RNH1: variants seen among roughly 807,000 people sequenced by gnomAD.
RNH1 encodes the protein ribonuclease/angiogenin inhibitor 1, also known as ribonuclease inhibitor.
A neutral mutation model predicts 46.1 loss-of-function variants in RNH1; 38 were observed. The observed-to-expected ratio is 0.82, with a 90% CI of 0.64 to 1.08. RNH1 has a LOEUF of 1.08. Ranked by LOEUF, RNH1 falls within the 50% of genes least tolerant of loss-of-function variation. RNH1 has a pLI of 0.00. For missense variants in RNH1, 577 were observed against 590.7 expected (o/e 0.98, Z 0.24); for synonymous variants, 319 against 279.1 (o/e 1.14, Z -1.43).
Position 502,540 on chromosome 11 carries a change from T to G in RNH1, c.-87-291A>C. The stretch of plus-strand genomic sequence containing the variant: ...AGCCCGGGAAGCCCCTGCCTCTCAT[T>G]TGCTTGGGCAAGGACAGGGTAGGGT... On this transcript the variant is annotated intron_variant, in intron 2 of 10. Transcript: ENST00000354420. This position sits in a 1 kb window ranked among gnomAD's most constrained non-coding sequence, Gnocchi z 5.8. The G allele has an allele frequency of 3.1e-6, 1 of 319,042 alleles. No homozygotes were observed. The allele number at this position is 319,042 out of a possible 1,614,324, so 19.8% of individuals were successfully genotyped here. A position where few individuals can be genotyped will look rare whatever the true frequency, so the allele number is the denominator to read the frequency against.
In RNH1 at chr11:502,091, G is replaced by A; in HGVS notation, c.72C>T (p.Leu24=). The change falls in exon 3 of 11, where the codon CTC becomes CTT. Residue 24 remains leucine, a synonymous_variant. Coordinates refer to ENST00000354420, the MANE Select transcript of RNH1 (RefSeq NM_203387.3). The surrounding 1 kb of genome is among the most constrained non-coding windows in gnomAD (Gnocchi z 5.8). ...CCACTTGGCACTGCTGGAGCAGAGG[G>A]AGGAGCTCGGCCCATCTAGCGTCGC... ...ELSDARWAEL[L]PLLQQCQVVR... The A allele has an allele frequency of 6.2e-7, 1 of 1,612,136 alleles. No homozygotes were observed. Among genetic ancestry groups the A allele is most frequent in the Admixed American group, 1.7e-5 (1 of 59,914 alleles).
At position 494,714 on chromosome 11, in the gene RNH1, G is replaced by C. The variant is rs1288663898; in HGVS notation, c.1363C>G (p.Pro455Ala). ...DRLQALEKDK[P>A]SLRVIS ...CCTCAGGAGATGACCCTCAGGGATGGCTTGTCCTTCTCCAGGGCCTGCAGC... is the reference window on the plus strand; with the variant it reads ...CCTCAGGAGATGACCCTCAGGGATGCCTTGTCCTTCTCCAGGGCCTGCAGC... Residue 455 changes from proline (P) to alanine (A), a missense_variant, in exon 11 of 11, where the codon CCA (proline) becomes GCA (alanine). Pro to Ala is a conservative substitution (Grantham distance 27). Coordinates refer to ENST00000354420, the MANE Select transcript of RNH1 (RefSeq NM_203387.3). The C allele has an allele frequency of 1.2e-6, 2 of 1,613,870 alleles. No individual in the cohort carries two copies.
chr11:500,673 G>A lies in RNH1; in HGVS notation c.102-19C>T, dbSNP rs760001631. ...GTCCAGCCTGTGAGCAGACCCCAGG[G>A]TCATGTGGACCACGCAGACAGCACT... On this transcript the variant is annotated intron_variant, in intron 3 of 10. Transcript: ENST00000354420. The A allele has an allele frequency of 1.0e-5, 16 of 1,601,486 alleles. No homozygotes were observed. Among genetic ancestry groups the A allele is most frequent in the Non-Finnish European group, 2.5e-6 (3 of 1,179,914 alleles).
At position 502,334 on chromosome 11, in the gene RNH1, C is replaced by T. The variant is rs981944771; in HGVS notation, c.-87-85G>A. 1.3e-5 allele frequency: 8 copies of T among 633,802 alleles called. No homozygotes were observed. Among genetic ancestry groups the T allele is most frequent in the African/African-American group, 9.0e-5 (5 of 55,358 alleles). The allele number at this position is 633,802 out of a possible 1,614,324, so 39.3% of individuals were successfully genotyped here. A position where few individuals can be genotyped will look rare whatever the true frequency, so the allele number is the denominator to read the frequency against. ...AACACTTCCTCTTCAGCACCCTCCCCACCTTTGTCTCTGGAGCAGACATCA... is the reference window on the plus strand; with the variant it reads ...AACACTTCCTCTTCAGCACCCTCCCTACCTTTGTCTCTGGAGCAGACATCA... On this transcript the variant is annotated intron_variant, in intron 2 of 10. Transcript: ENST00000354420. This position sits in a 1 kb window ranked among gnomAD's most constrained non-coding sequence, Gnocchi z 5.8.
In RNH1 at chr11:497,423, A is replaced by C. The variant is rs192607027; in HGVS notation, c.1127+548T>G. 7.1e-4 allele frequency among the ~76,000 whole-genome samples: 98 copies of C among 137,232 alleles called. 1 individual carries two copies. Among genetic ancestry groups the C allele is most frequent in the African/African-American group, 2.6e-3 (94 of 35,618 alleles). The allele number at this position is 137,232 out of a possible 152,430, so 90.0% of individuals were successfully genotyped here. A position where few individuals can be genotyped will look rare whatever the true frequency, so the allele number is the denominator to read the frequency against. On this transcript the variant is annotated intron_variant, in intron 9 of 10. Coordinates refer to ENST00000354420, the MANE Select transcript of RNH1 (RefSeq NM_203387.3). ...CTCTCACCCATGTGCTCACACACGG[A>C]CACTCATGCTCTCTCGCCCATGTGC... is the stretch of plus-strand genomic sequence containing the variant.
chr11:507,076 C>G (rs1038661523), intron 1 of RNH1, 37 bp downstream of exon 1: 4 of 152,356 alleles, frequency 2.6e-5, no homozygotes, highest in Admixed American at 2.6e-4. Flanking sequence ...GTGGGCGAGG[C>G]CTGGCTAGAC....
At chr11:498,212 C>G in intron 8 of RNH1, 71 bp from the exon 9 acceptor site, 1 of 1,509,908 alleles carries the variant, frequency 6.6e-7, no homozygotes, top group Non-Finnish European at 8.9e-7. Flanking sequence ...GGCCCTTCCC[C>G]TGAAGGCCCC....
chr11:499,145 G>A lies in RNH1; in HGVS notation c.484C>T (p.Leu162=), dbSNP rs1849472929. ...GGCTTGGCCCTGAGCACGGAGGCCA[G>A]GGGCTCGCAGCTGGCAGCCGAGAGG... ...CSLSAASCEP[L]ASVLRAKPDF... Residue 162 remains leucine, a synonymous_variant, in exon 6 of 11, where the codon CTG becomes TTG. Coordinates refer to ENST00000354420, the MANE Select transcript of RNH1 (RefSeq NM_203387.3). 1.2e-6 allele frequency: 2 copies of A among 1,613,080 alleles called. No individual in the cohort carries two copies. Among genetic ancestry groups the A allele is most frequent in the Non-Finnish European group, 1.7e-6 (2 of 1,179,956 alleles).
intron 2 of RNH1, among the ~76,000 whole-genome samples, chr11:503,825 T>TA (rs1849977889): frequency 6.6e-6 from 1 of 152,124 alleles, no homozygotes; most frequent in Admixed American, 6.5e-5. Context: ...GCCCCGTCCC[T>TA]ACCCCTCAGG....
At position 502,174 on chromosome 11, in the gene RNH1, A is replaced by G. The variant is rs981400722; in HGVS notation, c.-12T>C. 2 of 1,601,116 alleles carry G rather than the reference A, an allele frequency of 1.2e-6. No homozygotes were observed. The highest frequency in any genetic ancestry group is 2.2e-5 in the South Asian group (2 of 89,662). ...ATGTCCAGGCTCATGGTGGAGGTGAAGAGTGGCCTGGGTGGGAGGCAGAGG... is the reference window on the plus strand; with the variant it reads ...ATGTCCAGGCTCATGGTGGAGGTGAGGAGTGGCCTGGGTGGGAGGCAGAGG... On this transcript the variant is annotated 5_prime_UTR_variant, in exon 3 of 11. Coordinates refer to ENST00000354420, the MANE Select transcript of RNH1 (RefSeq NM_203387.3). This position sits in a 1 kb window ranked among gnomAD's most constrained non-coding sequence, Gnocchi z 5.8.
chr11:503,808 G>A (rs940792015), intron 2 of RNH1, among the ~76,000 whole-genome samples: 5 of 152,122 alleles, frequency 3.3e-5, no homozygotes, highest in Admixed American at 2.0e-4. Flanking sequence ...CTAGCGCTGC[G>A]GGAGTAGCCC....
intron 4 of RNH1, 137 bp downstream of exon 4, chr11:500,347 G>A: frequency 9.5e-7 from 1 of 1,057,064 alleles, no homozygotes; most frequent in Non-Finnish European, 1.4e-6. Flanking sequence ...GTGTGCCTCT[G>A]GCTGATGTTG....
chr11:499,568 G>T (rs973814646), intron 5 of RNH1: 2 of 705,302 alleles, frequency 2.8e-6, no homozygotes, highest in Non-Finnish European at 5.1e-6. Context: ...CCCACCGTCG[G>T]GTCCTGGGGC....
Position 494,932 on chromosome 11 carries a change from G to A in RNH1, c.1249C>T (p.Gln417Ter). 1 of 1,610,292 alleles carries A rather than the reference G, an allele frequency of 6.2e-7. No homozygotes were observed. The change falls in exon 10 of 11, where the codon CAG becomes TAG. Residue 417 changes from glutamine (Q) to a stop codon, truncating the protein, a stop_gained. Coordinates refer to ENST00000354420, the MANE Select transcript of RNH1 (RefSeq NM_203387.3). LOFTEE classifies it low-confidence loss of function (END_TRUNC). Reference protein sequence around the residue: ...NNCLGDAGILQLVESVRQPGC... With the variant: ...NNCLGDAGIL ...GGCTGCCGGACGCTCTCCACCAGCT[G>A]CAGGATGCCGGCGTCCCCCAGGCAG...
Position 498,511 on chromosome 11 carries a change from G to T in RNH1, c.902C>A (p.Ala301Asp), listed in dbSNP as rs751960894. The change falls in exon 8 of 11, where the codon GCC (alanine) becomes GAC (aspartate). Residue 301 changes from alanine (A) to aspartate (D), a missense_variant. Transcript: ENST00000354420. ...LAGNELGDEG[A>D]RLLCETLLEP... ...CAGCAGGGTCTCACACAGCAGTCGG[G>T]CACCCTCATCCCCCAGCTCGTTGCC... is the stretch of plus-strand genomic sequence containing the variant. 6.2e-7 allele frequency: 1 copy of T among 1,613,216 alleles called. No homozygotes were observed. Among genetic ancestry groups the T allele is most frequent in the Non-Finnish European group, 8.5e-7 (1 of 1,179,988 alleles).
At chr11:506,013 G>A (rs1850241083) in intron 1 of RNH1, 1 of 152,232 alleles carries the variant, frequency 6.6e-6, no homozygotes. Flanking sequence ...CCAAGTAGCT[G>A]GGATTATAGG....
rs753150831 is a variant in RNH1, at chr11:499,169, G to C, written c.460C>G (p.Leu154Val). The C allele has an allele frequency of 4.0e-5, 64 of 1,612,544 alleles. No homozygotes were observed. The highest frequency in any genetic ancestry group is 5.3e-5 in the Non-Finnish European group (63 of 1,179,964). The change falls in exon 6 of 11, where the codon CTC becomes GTC. Residue 154 changes from leucine to valine, a missense_variant. By Grantham distance (32) the Leu-to-Val change is conservative. Transcript: ENST00000354420. ...LEKLQLEYCS[L>V]SAASCEPLAS... ...AGGGGCTCGCAGCTGGCAGCCGAGAGGCTGCAATACTCCAGCCTGGGGGAC... is the reference window on the plus strand; with the variant it reads ...AGGGGCTCGCAGCTGGCAGCCGAGACGCTGCAATACTCCAGCCTGGGGGAC...
intron 8 of RNH1, 143 bp downstream of exon 8, chr11:498,314 C>T (rs1401248013): frequency 2.3e-6 from 3 of 1,280,378 alleles, no homozygotes; most frequent in Non-Finnish European, 3.2e-6. Flanking sequence ...CATCAAACCA[C>T]AGGCTGCTCC....
rs368765339 is a variant in RNH1, at chr11:498,531, G to T, written c.882C>A (p.Asn294Lys). Residue 294 changes from asparagine to lysine, a missense_variant, in exon 8 of 11, where the codon AAC becomes AAA. By Grantham distance (94) the Asn-to-Lys change is moderately conservative. Coordinates refer to ENST00000354420, the MANE Select transcript of RNH1 (RefSeq NM_203387.3). ...ESLKELSLAG[N>K]ELGDEGARLL... ...GTCGGGCACCCTCATCCCCCAGCTC[G>T]TTGCCGGCCAGGCTGAGCTCCTTCA... The T allele has an allele frequency of 1.3e-5, 21 of 1,613,166 alleles. No homozygotes were observed. Among genetic ancestry groups the T allele is most frequent in the Non-Finnish European group, 1.5e-5 (18 of 1,180,030 alleles).
Sources: gnomAD v4.1 joint callset for allele counts (sites outside exome capture counted in the v4.1 genomes callset) on GRCh38, gnomAD v4.1.1 for gene constraint, Gnocchi (gnomAD v3.1) non-coding constraint, MANE v1.5 for transcripts, NCBI Gene and HGNC (gene_info 2026-07-23, HGNC 2026-07-21) for gene names.